RARB: variants seen among roughly 807,000 people sequenced by gnomAD.
The protein encoded by RARB is retinoic acid receptor beta, also known as HBV-activated protein.
In RARB, 17 loss-of-function variants were observed where a neutral mutation model predicts 51.9. The ratio of observed to expected loss-of-function variants is 0.33; its 90% CI spans 0.22 to 0.49. The LOEUF (loss-of-function observed/expected upper bound fraction) is 0.49. RARB is among the 20% of genes least tolerant of loss of function. The pLI is 0.99. For synonymous variants in RARB, 215 were observed against 195.4 expected (o/e 1.10, Z -0.84); for missense variants, 369 against 550.8 (o/e 0.67, Z 3.30).
intron 2 of RARB, among the ~76,000 whole-genome samples, chr3:24,953,759 T>C (rs1018409312): frequency 1.3e-5 from 2 of 152,174 alleles, no homozygotes; most frequent in African/African-American, 4.8e-5. Context: ...TCCCACCTCA[T>C]ATACGTTCCC....
chr3:25,590,526 G>C (rs1299453067), intron 5 of RARB, among the ~76,000 whole-genome samples: 2 of 152,112 alleles, frequency 1.3e-5, no homozygotes, highest in African/African-American at 4.8e-5. Context: ...TTGTTGTTGT[G>C]GTGGTGGTTG....
At chr3:25,192,232 T>C (rs1014941234) in intron 5 of RARB, among the ~76,000 whole-genome samples, 1 of 152,140 alleles carries the variant, frequency 6.6e-6, no homozygotes, top group African/African-American at 2.4e-5. Context: ...AATTTATACA[T>C]AAGACTGAAG....
chr3:25,140,661 A>G (rs1039789829), intron 4 of RARB, among the ~76,000 whole-genome samples: 26 of 152,340 alleles, frequency 1.7e-4, no homozygotes, highest in Non-Finnish European at 8.8e-5. Flanking sequence ...GCAGAGGTTG[A>G]AAGGATTGAC....
chr3:25,509,700 G>A (rs1215576898), intron 3 of RARB, among the ~76,000 whole-genome samples: 2 of 152,134 alleles, frequency 1.3e-5, no homozygotes, highest in African/African-American at 4.8e-5. Flanking sequence ...GGAGAAAACT[G>A]AACTGGGGTG....
intron 2 of RARB, among the ~76,000 whole-genome samples, chr3:24,918,902 T>A (rs571643767): frequency 3.6e-4 from 55 of 151,462 alleles, no homozygotes; most frequent in East Asian, 1.2e-3. Context: ...TAAATAAAAT[T>A]AAATTAAATA....
intron 2 of RARB, among the ~76,000 whole-genome samples, chr3:25,012,240 G>A (rs1215686573): frequency 6.6e-6 from 1 of 152,026 alleles, no homozygotes; most frequent in Non-Finnish European, 1.5e-5. Context: ...TGATATTAAT[G>A]TTCTAAAATA....
intron 2 of RARB, among the ~76,000 whole-genome samples, chr3:24,944,946 T>C (rs1310872739): frequency 6.6e-6 from 1 of 152,034 alleles, no homozygotes; most frequent in Non-Finnish European, 1.5e-5. Context: ...AACAGAGAAA[T>C]TGGGAAAAAG....
At chr3:25,303,007 A>G (rs1704076396) in intron 5 of RARB, among the ~76,000 whole-genome samples, 1 of 152,264 alleles carries the variant, frequency 6.6e-6, no homozygotes. Flanking sequence ...ACTAGACAAT[A>G]ATCTGAATGA....
chr3:25,154,874 G>A (rs779960379), intron 4 of RARB, among the ~76,000 whole-genome samples: 1 of 152,146 alleles, frequency 6.6e-6, no homozygotes, highest in East Asian at 1.9e-4. Context: ...AACCCTAAAG[G>A]CTTGTCTTTT....
At chr3:24,941,215 T>C (rs1575082501) in intron 2 of RARB, among the ~76,000 whole-genome samples, 1 of 127,718 alleles carries the variant, frequency 7.8e-6, no homozygotes, top group South Asian at 2.5e-4. Flanking sequence ...AAAACTATAG[T>C]GATTATTAGG....
At chr3:25,239,196 A>G (rs1702373606) in intron 5 of RARB, among the ~76,000 whole-genome samples, 1 of 152,104 alleles carries the variant, frequency 6.6e-6, no homozygotes, top group Non-Finnish European at 1.5e-5. Flanking sequence ...TATATTCTGG[A>G]TATTAGTCCC....
At chr3:25,079,358 T>C (rs1698944575) in intron 3 of RARB, among the ~76,000 whole-genome samples, 1 of 152,228 alleles carries the variant, frequency 6.6e-6, no homozygotes, top group African/African-American at 2.4e-5. Flanking sequence ...TGAATGCTAA[T>C]TCTTTTTCTT....
intron 5 of RARB, among the ~76,000 whole-genome samples, chr3:25,194,167 T>A (rs1420991036): frequency 6.6e-6 from 1 of 151,794 alleles, no homozygotes; most frequent in Non-Finnish European, 1.5e-5. Flanking sequence ...GAAAAATACT[T>A]CACAGTCTCA....
intron 5 of RARB, among the ~76,000 whole-genome samples, chr3:25,184,058 G>T (rs1700920564): frequency 6.6e-6 from 1 of 151,860 alleles, no homozygotes. Context: ...GGTTAACTTG[G>T]CCCCTACCAT....
At chr3:24,883,402 C>A (rs1703210362) in intron 2 of RARB, among the ~76,000 whole-genome samples, 1 of 104,486 alleles carries the variant, frequency 9.6e-6, no homozygotes, top group East Asian at 2.2e-4. Flanking sequence ...GTGTTTAAAC[C>A]ACTAAAGGAA....
At chr3:24,966,561 A>C (rs987319203) in intron 2 of RARB, among the ~76,000 whole-genome samples, 2 of 151,416 alleles carry the variant, frequency 1.3e-5, no homozygotes, top group African/African-American at 4.9e-5. Flanking sequence ...AGGAATGTCA[A>C]AGGTCATTTC....
rs1159668881 is a variant in RARB at position 25,573,313 on chromosome 3, G to T, written c.609+3395G>T. ...AGAGGCTTCCCTGCAGGCCTCCAGG[G>T]CCCTTTCCTATCCACCCCAATATGG... On this transcript the variant is annotated intron_variant, in intron 4 of 7. Coordinates refer to ENST00000330688, the MANE Select transcript of RARB (RefSeq NM_000965.5). Among the ~76,000 whole-genome samples the T allele has an allele frequency of 2.6e-5, 4 of 152,120 alleles. No individual in the cohort carries two copies. The East Asian group carries it at 7.7e-4, about 29-fold the overall frequency.
intron 5 of RARB, among the ~76,000 whole-genome samples, chr3:25,255,334 C>A (rs1452310386): frequency 6.6e-6 from 1 of 152,092 alleles, no homozygotes; most frequent in Non-Finnish European, 1.5e-5. Flanking sequence ...ACAGTTTGTT[C>A]TTTTTGATGA....
chr3:24,915,834 C>T (rs1453848740), intron 2 of RARB, among the ~76,000 whole-genome samples: 1 of 152,044 alleles, frequency 6.6e-6, no homozygotes, highest in Non-Finnish European at 1.5e-5. Context: ...AATGATGGGT[C>T]TGGAGTGATC....
Sources: allele counts gnomAD v4.1 joint callset (sites outside exome capture counted in the v4.1 genomes callset), GRCh38; gene constraint gnomAD v4.1.1; transcripts MANE v1.5; gene names NCBI Gene and HGNC (gene_info 2026-07-23, HGNC 2026-07-21).